Variants in DIS3L observed in about 807,000 individuals in gnomAD.
The protein encoded by DIS3L is DIS3 like exosome 3'-5' exoribonuclease.
A neutral mutation model predicts 120.3 loss-of-function variants in DIS3L; 100 were observed. That is an observed-to-expected ratio of 0.83 (90% CI 0.71 to 0.98). The LOEUF (loss-of-function observed/expected upper bound fraction) is 0.98. Among genes scored for constraint, DIS3L ranks in the 50% least tolerant of loss-of-function variants. The probability of loss-of-function intolerance (pLI) is 0.00; values close to 1 mark genes in which losing one functional copy is unlikely to be tolerated. For missense variants in DIS3L, 1,196 were observed against 1,314.2 expected, an observed-to-expected ratio of 0.91 and a Z score of 1.39; for synonymous variants, 426 against 470.6, an observed-to-expected ratio of 0.91 and a Z score of 1.23.
At chr15:66,294,777 C>A (rs146882779) in intron 1 of DIS3L, among the ~76,000 whole-genome samples, 1 of 152,166 alleles carries the variant, frequency 6.6e-6, no homozygotes, top group Non-Finnish European at 1.5e-5. Context: ...CCATAAACCA[C>A]GTTGAGCTTG....
chr15:66,322,585 G>C, intron 9 of DIS3L, 102 bp from the exon 10 acceptor site: 9 of 1,520,558 alleles, frequency 5.9e-6, no homozygotes, highest in Non-Finnish European at 8.0e-6. Flanking sequence ...AGGTAATTGA[G>C]AATGAATGAA....
At chr15:66,331,171 A>T (rs1352230040) in intron 14 of DIS3L, among the ~76,000 whole-genome samples, 1 of 152,054 alleles carries the variant, frequency 6.6e-6, no homozygotes, top group East Asian at 1.9e-4. Context: ...AAGACAAAGA[A>T]ACTTTAATAC....
At position 66,311,760 on chromosome 15, in the gene DIS3L, G is replaced by T. The variant is rs1385883884; in HGVS notation, c.595G>T (p.Ala199Ser). The change falls in exon 5 of 17, where the codon GCC becomes TCC. Residue 199 changes from alanine to serine, a missense_variant. Transcript: ENST00000319212. ...CAATTTCTGGCCTGATTTAAAAGCT[G>T]CCCACGAGCTTTGTGATTCTATCCT... ...LDNFWPDLKA[A>S]HELCDSILQS... The T allele has an allele frequency of 3.7e-6, 6 of 1,614,124 alleles. No individual in the cohort carries two copies. The highest frequency in any genetic ancestry group is 5.1e-6 in the Non-Finnish European group (6 of 1,180,002).
rs1343229079 is a variant in DIS3L at position 66,318,463 on chromosome 15, A to C, written c.1009A>C (p.Ile337Leu). 2 of 1,614,034 alleles carry C rather than the reference A, an allele frequency of 1.2e-6. No individual in the cohort carries two copies. The highest frequency in any genetic ancestry group is 1.7e-4 in the Middle Eastern group (1 of 6,060). The change falls in exon 8 of 17, where the codon ATA becomes CTA. Residue 337 changes from isoleucine (I) to leucine (L), a missense_variant. Coordinates refer to ENST00000319212, the MANE Select transcript of DIS3L (RefSeq NM_001143688.3). ...EPMPTGRVVG[I>L]LQKNWRDYVV... is the part of the protein sequence containing the mutation. The stretch of plus-strand genomic sequence containing the variant: ...TTTTGCCAAAGGTCGAGTGGTGGGC[A>C]TACTTCAGAAGAACTGGCGGGATTA...
rs769264937 is a variant in DIS3L, at chr15:66,331,944, G to A, written c.2605G>A (p.Ala869Thr). 2.5e-6 allele frequency: 4 copies of A among 1,613,320 alleles called. No individual in the cohort carries two copies. The highest frequency in any genetic ancestry group is 1.6e-4 in the Middle Eastern group (1 of 6,084). ...QCMYFKDKDP[A>T]TEERCISDGV... ...CATGTACTTCAAAGACAAAGACCCT[G>A]CCACCGAGGAGCGTTGCATATCTGA... Residue 869 changes from alanine (A) to threonine (T), a missense_variant, in exon 15 of 17, where the codon GCC (alanine) becomes ACC (threonine). Coordinates refer to ENST00000319212, the MANE Select transcript of DIS3L (RefSeq NM_001143688.3).
rs201332940 is a variant in DIS3L at position 66,325,991 on chromosome 15, T to C, written c.1828T>C (p.Phe610Leu). The C allele has an allele frequency of 1.2e-6, 2 of 1,614,140 alleles. No homozygotes were observed. Among genetic ancestry groups the C allele is most frequent in the East Asian group, 2.2e-5 (1 of 44,878 alleles). ...AAGCGTTGTTGATGATATTCCAGAATTCAAAGACTTGGATGAGAAGAGCAG... is the reference window on the plus strand; with the variant it reads ...AAGCGTTGTTGATGATATTCCAGAACTCAAAGACTTGGATGAGAAGAGCAG... Reference protein sequence around the residue: ...NLSVVDDIPEFKDLDEKSRQA... With the variant: ...NLSVVDDIPELKDLDEKSRQA... The change falls in exon 12 of 17, where the codon TTC (phenylalanine) becomes CTC (leucine). Residue 610 changes from phenylalanine (F) to leucine (L), a missense_variant. Physicochemically the swap from Phe to Leu is conservative, Grantham distance 22. Transcript: ENST00000319212.
At chr15:66,304,998 CT>C (rs1283384329) in intron 2 of DIS3L, among the ~76,000 whole-genome samples, 13,978 of 104,778 alleles carry the variant, frequency 0.13, 182 homozygotes, top group Non-Finnish European at 0.18. Context: ...AAATCGATTT[CT>C]TTTTTTTTTT....
At chr15:66,304,097 AAAAAAAAAAAAAAAAC>A (rs923134251) in intron 2 of DIS3L, among the ~76,000 whole-genome samples, 2 of 119,964 alleles carry the variant, frequency 1.7e-5, no homozygotes, top group African/African-American at 6.6e-5. Flanking sequence ...TTCAAAAAAA[AAAAAAAAAAAAAAAAC>A]AATATGGCAT....
chr15:66,315,611 A>G (rs2092809615), intron 7 of DIS3L, among the ~76,000 whole-genome samples: 1 of 152,170 alleles, frequency 6.6e-6, no homozygotes, highest in Admixed American at 6.5e-5. Context: ...CCCACTCTGC[A>G]GGTTTATTTT....
At chr15:66,318,688 A>C in intron 8 of DIS3L, 70 bp downstream of exon 8, 1 of 1,472,924 alleles carries the variant, frequency 6.8e-7, no homozygotes, top group South Asian at 1.3e-5. Context: ...GCTTTTTAGC[A>C]GTACCAGAAA....
At chr15:66,307,490 C>T (rs966175210) in intron 3 of DIS3L, among the ~76,000 whole-genome samples, 8 of 151,880 alleles carry the variant, frequency 5.3e-5, no homozygotes, top group African/African-American at 1.7e-4. Context: ...TTTGTAGAAA[C>T]GGGGTCCCAT....
Position 66,326,299 on chromosome 15 carries a change from A to G in DIS3L, c.2136A>G (p.Pro712=). 1 of 1,614,138 alleles carries G rather than the reference A, an allele frequency of 6.2e-7. No individual in the cohort carries two copies. The highest frequency in any genetic ancestry group is 1.1e-5 in the South Asian group (1 of 91,082). The part of the protein sequence containing the change: ...HQALLRQHPP[P]HQEFFSELRE... ...CCTTGCTGCGCCAGCACCCTCCTCC[A>G]CACCAGGAGTTCTTTTCAGAACTCC... Residue 712 remains proline, a synonymous_variant, in exon 12 of 17, where the codon CCA becomes CCG. Coordinates refer to ENST00000319212, the MANE Select transcript of DIS3L (RefSeq NM_001143688.3).
In DIS3L at chr15:66,329,373, T is replaced by C. The variant is rs2092974834; in HGVS notation, c.2509T>C (p.Cys837Arg). 6.2e-7 allele frequency: 1 copy of C among 1,610,088 alleles called. No homozygotes were observed. The highest frequency in any genetic ancestry group is 1.3e-5 in the African/African-American group (1 of 74,708). Reference sequence around the variant, plus strand: ...CAGCAACAAAGATCTTGAGGAATTATGCAGACATATCAACAACAGAAACCA... The same window carrying C: ...CAGCAACAAAGATCTTGAGGAATTACGCAGACATATCAACAACAGAAACCA... ...LFSNKDLEELCRHINNRNQAA... is the reference protein window; with the variant it reads ...LFSNKDLEELRRHINNRNQAA... Residue 837 changes from cysteine to arginine, a missense_variant, in exon 14 of 17, where the codon TGC becomes CGC. By Grantham distance (180) the Cys-to-Arg change is radical. Transcript: ENST00000319212.
At chr15:66,293,354 C>A, upstream of DIS3L, 1 of 580,566 alleles carries the variant, frequency 1.7e-6, no homozygotes, top group Non-Finnish European at 2.4e-6. Context: ...CCTAGTCTTC[C>A]CTCCGTCTCT....
chr15:66,293,449 C>G, upstream of DIS3L: 1 of 1,210,382 alleles, frequency 8.3e-7, no homozygotes, highest in Non-Finnish European at 1.0e-6. Context: ...CGGGCCCCAG[C>G]CTGGAGCGTG....
chr15:66,309,094 A>AAAAAAAAATATATATATAT, intron 4 of DIS3L, among the ~76,000 whole-genome samples: 4 of 15,320 alleles, frequency 2.6e-4, no homozygotes, highest in Admixed American at 1.6e-3. Context: ...AAAAAAAAAA[A>AAAAAAAAATATATATATAT]ATATATATAT....
chr15:66,293,766 C>T (rs1350573596), intron 1 of DIS3L, 31 bp downstream of exon 1: 6 of 1,163,112 alleles, frequency 5.2e-6, no homozygotes, highest in Non-Finnish European at 5.3e-6. Context: ...GGGGACGGGG[C>T]CGGCGGGAGC....
At position 66,333,533 on chromosome 15, in the gene DIS3L, A is replaced by G. The variant is rs976842927; in HGVS notation, c.*221A>G. The stretch of plus-strand genomic sequence containing the variant: ...ATCACGAGGTCAGGAGATTGAGACC[A>G]TCCTGGCTAACACGGTGAAACCCAG... On this transcript the variant is annotated 3_prime_UTR_variant, in exon 17 of 17. Coordinates refer to ENST00000319212, the MANE Select transcript of DIS3L (RefSeq NM_001143688.3). 3 of 391,206 alleles carry G rather than the reference A, an allele frequency of 7.7e-6. No individual in the cohort carries two copies. The highest frequency in any genetic ancestry group is 1.4e-5 in the Non-Finnish European group (3 of 219,096). 24.2% of individuals were successfully genotyped at this position (391,206 alleles called of 1,614,324 possible).
chr15:66,294,483 C>T (rs575243188), intron 1 of DIS3L: 1 of 986,474 alleles, frequency 1.0e-6, no homozygotes, highest in South Asian at 4.7e-5. Flanking sequence ...CTAACCAGCT[C>T]TCAGATGCAG....
Sources: allele counts gnomAD v4.1 joint callset (sites outside exome capture counted in the v4.1 genomes callset), GRCh38; gene constraint gnomAD v4.1.1; transcripts MANE v1.5; gene names NCBI Gene and HGNC (gene_info 2026-07-23, HGNC 2026-07-21).